The following DLG2 variants were observed in gnomAD, a reference collection of about 807,000 sequenced individuals.
DLG2 encodes the protein disks large homolog 2.
A neutral mutation model predicts 132.5 loss-of-function variants in DLG2; 45 were observed. That is an observed-to-expected ratio of 0.34 (90% CI 0.27 to 0.44). DLG2 has a LOEUF of 0.44. Among genes scored for constraint, DLG2 ranks in the 20% least tolerant of loss-of-function variants. The pLI is 1.00. For missense variants in DLG2, 1,045 were observed against 1,196.9 expected (o/e 0.87, Z 1.87); for synonymous variants, 424 against 419.6 (o/e 1.01, Z -0.13).
At chr11:85,059,769 T>C (rs1000348653) in intron 6 of DLG2, among the ~76,000 whole-genome samples, 8 of 151,608 alleles carry the variant, frequency 5.3e-5, no homozygotes, top group Non-Finnish European at 1.2e-4. Context: ...CTGTTAGTGA[T>C]TGACAAAGTC....
rs61016875 is a variant in DLG2, at chr11:83,708,586, G to A, written c.1826-75261C>T. 7.6e-3 allele frequency among the ~76,000 whole-genome samples: 1,153 copies of A among 152,134 alleles called. 56 individuals are homozygous for A. The East Asian group carries it at 0.13, about 18-fold the overall frequency. On this transcript the variant is annotated intron_variant, in intron 18 of 27. Coordinates refer to ENST00000376104, the MANE Select transcript of DLG2 (RefSeq NM_001142699.3). Reference sequence around the variant, plus strand: ...TGGCTTTATGTACCTCCCCAATTTCGTATCACTTGTGTTTTATGGTCAAAA... The same window carrying A: ...TGGCTTTATGTACCTCCCCAATTTCATATCACTTGTGTTTTATGGTCAAAA...
At chr11:83,949,576 C>G (rs1746480367) in intron 14 of DLG2, among the ~76,000 whole-genome samples, 2 of 152,030 alleles carry the variant, frequency 1.3e-5, no homozygotes, top group African/African-American at 4.8e-5. Context: ...ATAAATAGTG[C>G]AAGGTCATAG....
At chr11:84,892,064 G>A (rs1373151133) in intron 6 of DLG2, among the ~76,000 whole-genome samples, 1 of 152,090 alleles carries the variant, frequency 6.6e-6, no homozygotes, top group African/African-American at 2.4e-5. Flanking sequence ...GCTAACACAG[G>A]ACTTCAAGGT....
chr11:85,113,131 T>C (rs2073039077), intron 5 of DLG2, among the ~76,000 whole-genome samples: 1 of 151,952 alleles, frequency 6.6e-6, no homozygotes, highest in African/African-American at 2.4e-5. Flanking sequence ...TAAAGCAAAA[T>C]ATGATATGCA....
At chr11:83,790,845 G>A in intron 17 of DLG2, 6 of 748,206 alleles carry the variant, frequency 8.0e-6, no homozygotes, top group Admixed American at 5.6e-5. Flanking sequence ...CATGGTAGAA[G>A]AACTGTCCAG....
chr11:85,340,864 G>A (rs2082445238), intron 3 of DLG2, among the ~76,000 whole-genome samples: 1 of 152,114 alleles, frequency 6.6e-6, no homozygotes, highest in Non-Finnish European at 1.5e-5. Flanking sequence ...ATTCATGCAT[G>A]TTTCATTGTT....
At position 84,669,603 on chromosome 11, in the gene DLG2, A is replaced by G. The variant is rs193258195; in HGVS notation, c.358-134872T>C. Among the ~76,000 whole-genome samples, 250 of 152,316 alleles carry G rather than the reference A, an allele frequency of 1.6e-3. 1 individual carries two copies. Among genetic ancestry groups the G allele is most frequent in the Non-Finnish European group, 2.6e-3 (175 of 68,022 alleles). On this transcript the variant is annotated intron_variant, in intron 6 of 27. Coordinates refer to ENST00000376104, the MANE Select transcript of DLG2 (RefSeq NM_001142699.3). ...GGTACGGAAGAACAATATGCTTTCA[A>G]ATAACACAGTAAAGATTCACCAAAC...
intron 8 of DLG2, among the ~76,000 whole-genome samples, chr11:84,205,002 C>A (rs2154302919): frequency 6.6e-6 from 1 of 152,328 alleles, no homozygotes; most frequent in East Asian, 1.9e-4. Context: ...CCGCACCCAG[C>A]AGCCACTGAT....
intron 9 of DLG2, among the ~76,000 whole-genome samples, chr11:84,111,802 C>T (rs574525393): frequency 1.7e-4 from 26 of 152,214 alleles, no homozygotes; most frequent in Non-Finnish European, 3.2e-4. Flanking sequence ...AGCATGAGTA[C>T]GGCACAATAT....
At chr11:83,972,875 T>C (rs887082371) in intron 12 of DLG2, among the ~76,000 whole-genome samples, 2 of 152,132 alleles carry the variant, frequency 1.3e-5, no homozygotes, top group Non-Finnish European at 2.9e-5. Context: ...CACCAGATCA[T>C]ATTAGTTTAT....
At chr11:85,357,453 A>G (rs951172549) in intron 3 of DLG2, among the ~76,000 whole-genome samples, 2 of 149,168 alleles carry the variant, frequency 1.3e-5, no homozygotes, top group African/African-American at 5.0e-5. Context: ...CAGCCTCCCA[A>G]AGTGCTGGGA....
chr11:83,676,923 A>G (rs1454502671), intron 18 of DLG2, among the ~76,000 whole-genome samples: 1 of 152,184 alleles, frequency 6.6e-6, no homozygotes, highest in East Asian at 1.9e-4. Flanking sequence ...CACGTGGTCC[A>G]TGCTTAATAA....
At chr11:84,546,219 C>A (rs1385186848) in intron 6 of DLG2, among the ~76,000 whole-genome samples, 1 of 152,132 alleles carries the variant, frequency 6.6e-6, no homozygotes, top group Non-Finnish European at 1.5e-5. Context: ...AGCATCATCT[C>A]CCTGGTGCTG....
intron 7 of DLG2, among the ~76,000 whole-genome samples, chr11:84,381,858 G>A (rs750832385): frequency 3.3e-5 from 5 of 152,162 alleles, no homozygotes; most frequent in Non-Finnish European, 5.9e-5. Context: ...ACTGAACTTA[G>A]ATTGTCTATC....
chr11:85,499,517 C>A lies in DLG2; in HGVS notation c.40+99140G>T, dbSNP rs186205895. On this transcript the variant is annotated intron_variant, in intron 3 of 27. Coordinates refer to ENST00000376104, the MANE Select transcript of DLG2 (RefSeq NM_001142699.3). Reference sequence around the variant, plus strand: ...TTACAGCCAGATTCAACCAGAGTTACAAAGAGGAACTGGTACCATTCCTTC... The same window carrying A: ...TTACAGCCAGATTCAACCAGAGTTAAAAAGAGGAACTGGTACCATTCCTTC... Among the ~76,000 whole-genome samples, 78 of 152,252 alleles carry A rather than the reference C, an allele frequency of 5.1e-4. 1 individual carries two copies. Among genetic ancestry groups the A allele is most frequent in the Admixed American group, 4.9e-3 (75 of 15,294 alleles).
chr11:83,716,373 G>A (rs894965463), intron 18 of DLG2, among the ~76,000 whole-genome samples: 1 of 152,070 alleles, frequency 6.6e-6, no homozygotes, highest in Non-Finnish European at 1.5e-5. Context: ...CTCAGGCCCT[G>A]GCTTTTCCTA....
At chr11:85,510,547 C>T (rs1398382726) in intron 3 of DLG2, among the ~76,000 whole-genome samples, 1 of 152,020 alleles carries the variant, frequency 6.6e-6, no homozygotes, top group Non-Finnish European at 1.5e-5. Context: ...ACAACCCCAT[C>T]AAAAAGTCGG....
chr11:84,873,010 A>G (rs1200822918), intron 6 of DLG2, among the ~76,000 whole-genome samples: 1 of 152,242 alleles, frequency 6.6e-6, no homozygotes, highest in Non-Finnish European at 1.5e-5. Context: ...CATCTATTTC[A>G]CATGGTAGAC....
intron 7 of DLG2, among the ~76,000 whole-genome samples, chr11:84,455,234 TTA>T (rs1467409556): frequency 6.6e-6 from 1 of 151,406 alleles, no homozygotes; most frequent in Non-Finnish European, 1.5e-5. Flanking sequence ...CTGACACCAT[TTA>T]ACGTTTAGTA....
Sources: gnomAD v4.1 joint callset for allele counts (sites outside exome capture counted in the v4.1 genomes callset) on GRCh38, gnomAD v4.1.1 for gene constraint, MANE v1.5 for transcripts, NCBI Gene and HGNC (gene_info 2026-07-23, HGNC 2026-07-21) for gene names.